The following FGF12 variants were observed in gnomAD, a reference collection of about 807,000 sequenced individuals.
FGF12 encodes the protein fibroblast growth factor 12B.
Under a neutral mutation model 23.6 loss-of-function variants are expected in FGF12, and 14 were observed. The ratio of observed to expected loss-of-function variants is 0.59; its 90% CI spans 0.39 to 0.93. The LOEUF is 0.93. FGF12 is among the 40% of genes least tolerant of loss of function. FGF12 has a pLI of 0.00. For missense variants in FGF12, 175 were observed against 217.8 expected, an observed-to-expected ratio of 0.80 and a Z score of 1.24; for synonymous variants, 62 against 77.3, an observed-to-expected ratio of 0.80 and a Z score of 1.04.
intron 2 of FGF12, among the ~76,000 whole-genome samples, chr3:192,587,314 A>G (rs910374478): frequency 1.3e-5 from 2 of 151,902 alleles, no homozygotes; most frequent in African/African-American, 4.8e-5. Context: ...AAGTTTCTAG[A>G]GGCCCCCACT....
At chr3:192,399,754 T>C (rs1457040816) in intron 2 of FGF12, among the ~76,000 whole-genome samples, 2 of 152,258 alleles carry the variant, frequency 1.3e-5, no homozygotes, top group Non-Finnish European at 2.9e-5. Context: ...CAGTGGCTTA[T>C]ATAAGCTCTA....
At chr3:192,173,225 G>A (rs778250097) in intron 4 of FGF12, among the ~76,000 whole-genome samples, 3 of 150,886 alleles carry the variant, frequency 2.0e-5, no homozygotes, top group Middle Eastern at 3.4e-3. Context: ...AAAACTTTCT[G>A]AATGTACCAA....
chr3:192,511,253 A>ACACACACC (rs1211816814), intron 2 of FGF12, among the ~76,000 whole-genome samples: 16 of 142,978 alleles, frequency 1.1e-4, no homozygotes, highest in African/African-American at 4.1e-4. Context: ...ACACACACAC[A>ACACACACC]CCTGCTACTA....
At chr3:192,302,368 A>G (rs748706487) in intron 4 of FGF12, among the ~76,000 whole-genome samples, 2 of 152,202 alleles carry the variant, frequency 1.3e-5, no homozygotes, top group African/African-American at 4.8e-5. Flanking sequence ...ATATTTAAGG[A>G]GTCAGACATA....
intron 2 of FGF12, among the ~76,000 whole-genome samples, chr3:192,475,929 T>C (rs1463780944): frequency 8.0e-5 from 12 of 150,128 alleles, no homozygotes; most frequent in Admixed American, 7.9e-4. Context: ...ATAGATGATA[T>C]AGATAGATGA....
rs192576375 is a variant in FGF12 at position 192,172,421 on chromosome 3, C to T, written c.229-1765G>A. On this transcript the variant is annotated intron_variant, in intron 4 of 5. Transcript: ENST00000445105. ...TTCAAAAAAAAGTCCAAGAAAACACCCCCCAAAGAAAATTGGAGTAGAAAG... is the reference window on the plus strand; with the variant it reads ...TTCAAAAAAAAGTCCAAGAAAACACTCCCCAAAGAAAATTGGAGTAGAAAG... Among the ~76,000 whole-genome samples, 234 of 149,662 alleles carry T rather than the reference C, an allele frequency of 1.6e-3. 11 individuals are homozygous for T. Among genetic ancestry groups the T allele is most frequent in the Non-Finnish European group, 2.3e-3 (155 of 67,224 alleles).
chr3:192,321,495 C>CAAAAAAAAAAAAAAAAAAAAA (rs34526901), intron 4 of FGF12, among the ~76,000 whole-genome samples: 1 of 109,692 alleles, frequency 9.1e-6, no homozygotes, highest in Non-Finnish European at 2.0e-5. Flanking sequence ...TAAAGACATT[C>CAAAAAAAAAAAAAAAAAAAAA]AAAAAAAAAA....
chr3:192,722,385 T>C (rs929545268), intron 2 of FGF12, among the ~76,000 whole-genome samples: 4 of 152,242 alleles, frequency 2.6e-5, no homozygotes, highest in Non-Finnish European at 5.9e-5. Context: ...CATAGACATT[T>C]CCTTTCTCTG....
chr3:192,329,333 C>A (rs1212486643), intron 4 of FGF12, among the ~76,000 whole-genome samples: 1 of 152,134 alleles, frequency 6.6e-6, no homozygotes, highest in African/African-American at 2.4e-5. Context: ...GAGAAAAAGG[C>A]AAATATAACA....
intron 2 of FGF12, among the ~76,000 whole-genome samples, chr3:192,600,002 A>G (rs887988070): frequency 3.9e-5 from 6 of 152,008 alleles, no homozygotes; most frequent in African/African-American, 1.4e-4. Context: ...GTTTTCTTCT[A>G]GTAGTTTTAC....
rs981657487 is a variant in FGF12, at chr3:192,259,394, G to A, written c.228+75967C>T. Among the ~76,000 whole-genome samples the A allele has an allele frequency of 1.1e-4, 16 of 152,164 alleles. No individual in the cohort carries two copies. In the East Asian group the frequency reaches 1.9e-3, roughly 18 times the overall value. On this transcript the variant is annotated intron_variant, in intron 4 of 5. Transcript: ENST00000445105. The stretch of plus-strand genomic sequence containing the variant: ...ATGGCTGTAAAACAACTTTCTATAC[G>A]TAAAAATGTAGCTGACAATATATCC...
chr3:192,705,996 C>T (rs1404514669), intron 2 of FGF12, among the ~76,000 whole-genome samples: 2 of 152,140 alleles, frequency 1.3e-5, no homozygotes, highest in Non-Finnish European at 2.9e-5. Context: ...ACAGAATGTG[C>T]TTTAGGTGCT....
chr3:192,499,941 G>A (rs1577020920), intron 2 of FGF12, among the ~76,000 whole-genome samples: 1 of 151,970 alleles, frequency 6.6e-6, no homozygotes, highest in Admixed American at 6.6e-5. Context: ...TACAACCCAG[G>A]TATTATTTTA....
chr3:192,539,149 G>A (rs111742062), intron 2 of FGF12, among the ~76,000 whole-genome samples: 1,778 of 152,150 alleles, frequency 0.012, 27 homozygotes, highest in African/African-American at 0.04. Flanking sequence ...TTGTCTGATT[G>A]CCCTAGCTAG....
rs1467090326 is a variant in FGF12 at position 192,395,133 on chromosome 3, C to T, written c.14-34595G>A. On this transcript the variant is annotated intron_variant, in intron 2 of 5. Coordinates refer to ENST00000445105, the MANE Select transcript of FGF12 (RefSeq NM_004113.6). ...AGAAATGGGCCCTTTTCCATATTGG[C>T]TGCACCACCCACTCCCTCTAGGTTT... is the stretch of plus-strand genomic sequence containing the variant. 2.0e-5 allele frequency among the ~76,000 whole-genome samples: 3 copies of T among 152,176 alleles called. No individual in the cohort carries two copies. In the South Asian group the frequency reaches 6.2e-4, roughly 31 times the overall value.
intron 4 of FGF12, among the ~76,000 whole-genome samples, chr3:192,310,339 T>A (rs1471078018): frequency 6.6e-6 from 1 of 152,186 alleles, no homozygotes; most frequent in Non-Finnish European, 1.5e-5. Flanking sequence ...ATAAAATGTA[T>A]GAACTAAAGA....
In FGF12 at chr3:192,218,417, G is replaced by A. The variant is rs79538016; in HGVS notation, c.229-47761C>T. Among the ~76,000 whole-genome samples the A allele has an allele frequency of 4.6e-3, 704 of 152,184 alleles. 2 individuals carry two copies. Among genetic ancestry groups the A allele is most frequent in the African/African-American group, 0.017 (688 of 41,510 alleles). On this transcript the variant is annotated intron_variant, in intron 4 of 5. Coordinates refer to ENST00000445105, the MANE Select transcript of FGF12 (RefSeq NM_004113.6). ...GGGAGGTGATGGATCATGCGGGTGC[G>A]TTTCTCATGAATGGTTAAATACTAT...
intron 4 of FGF12, among the ~76,000 whole-genome samples, chr3:192,202,965 C>T (rs1198278573): frequency 6.6e-6 from 1 of 152,152 alleles, no homozygotes; most frequent in Non-Finnish European, 1.5e-5. Context: ...GTGGGAAATA[C>T]AGCCTGCTAA....
rs1251111901 is a variant in FGF12, at chr3:192,613,806, T to C, written c.13+113375A>G. 3.3e-5 allele frequency among the ~76,000 whole-genome samples: 5 copies of C among 151,940 alleles called. No individual in the cohort carries two copies. The East Asian group carries it at 9.6e-4, about 29-fold the overall frequency. ...TCTTTGATTAGTAAAATTCCAACCC[T>C]GTGTACAGGCTCAAAAATGCAAACT... On this transcript the variant is annotated intron_variant, in intron 2 of 5. Transcript: ENST00000445105.
Sources: allele counts gnomAD v4.1 joint callset (sites outside exome capture counted in the v4.1 genomes callset), GRCh38; gene constraint gnomAD v4.1.1; transcripts MANE v1.5; gene names NCBI Gene and HGNC (gene_info 2026-07-23, HGNC 2026-07-21).